Variants in CGGBP1 observed in about 807,000 individuals in gnomAD.
CGGBP1 encodes the protein CGG triplet repeat-binding protein 1.
In CGGBP1, 4 loss-of-function variants were observed where a neutral mutation model predicts 11.4. The ratio of observed to expected loss-of-function variants is 0.35; its 90% CI spans 0.17 to 0.80. The LOEUF (loss-of-function observed/expected upper bound fraction) is 0.80, where lower values mean the gene tolerates loss of function less well. Among genes scored for constraint, CGGBP1 ranks in the 30% least tolerant of loss-of-function variants. CGGBP1 has a pLI of 0.52. For synonymous variants in CGGBP1, 76 were observed against 74.1 expected, an observed-to-expected ratio of 1.03 and a Z score of -0.13; for missense variants, 135 against 202.1, an observed-to-expected ratio of 0.67 and a Z score of 2.01.
rs1402995802 is a variant in CGGBP1, at chr3:88,054,414, T to C, written c.*1059A>G. On this transcript the variant is annotated 3_prime_UTR_variant, in exon 4 of 4. Coordinates refer to ENST00000482016, the MANE Select transcript of CGGBP1 (RefSeq NM_001008390.2). ...ATGCAGGATACTGCCAGATCTCCAA[T>C]ACAAAAAACCTGCCAGAATTTCTAG... is the stretch of plus-strand genomic sequence containing the variant. 6.6e-6 allele frequency: 1 copy of C among 152,098 alleles called. No homozygotes were observed. Among genetic ancestry groups the C allele is most frequent in the Non-Finnish European group, 1.5e-5 (1 of 67,998 alleles). 9.4% of individuals were successfully genotyped at this position (152,098 alleles called of 1,614,324 possible). A position where few individuals can be genotyped will look rare whatever the true frequency, so the allele number is the denominator to read the frequency against.
At chr3:88,061,381 T>C (rs1706874938), upstream of CGGBP1, among the ~76,000 whole-genome samples, 2 of 152,202 alleles carry the variant, frequency 1.3e-5, no homozygotes, top group Admixed American at 1.3e-4. Context: ...CGCTACCTCC[T>C]GTATATCCAA....
intron 2 of CGGBP1, among the ~76,000 whole-genome samples, chr3:88,124,422 A>C (rs1007633359): frequency 9.9e-5 from 15 of 152,180 alleles, no homozygotes; most frequent in African/African-American, 3.6e-4. Context: ...TTTTGACTGG[A>C]CTGAATGATT....
At chr3:88,125,849 AC>A (rs1167949136) in intron 2 of CGGBP1, among the ~76,000 whole-genome samples, 1 of 152,092 alleles carries the variant, frequency 6.6e-6, no homozygotes, top group Admixed American at 6.6e-5. Flanking sequence ...GTTTTTTGCA[AC>A]CTGGTTCTTT....
At chr3:88,064,240 A>T (rs1707067081) in intron 2 of CGGBP1, among the ~76,000 whole-genome samples, 1 of 151,458 alleles carries the variant, frequency 6.6e-6, no homozygotes, top group South Asian at 2.1e-4. Flanking sequence ...CTCTATATTT[A>T]TAAGTAATTT....
At chr3:88,100,091 T>C (rs1704317792) in intron 2 of CGGBP1, among the ~76,000 whole-genome samples, 3 of 152,208 alleles carry the variant, frequency 2.0e-5, no homozygotes, top group African/African-American at 7.2e-5. Flanking sequence ...AAAGGGCTAA[T>C]ATCCAGAATC....
At position 88,088,757 on chromosome 3, in the gene CGGBP1, TATGTATGG is replaced by T. The variant is rs1559701656; in HGVS notation, c.-228-30542_-228-30535del. Among the ~76,000 whole-genome samples the T allele has an allele frequency of 4.1e-3, 387 of 94,450 alleles. 2 individuals carry two copies. The highest frequency in any genetic ancestry group is 0.016 in the South Asian group (39 of 2,462). 62.0% of individuals were successfully genotyped at this position (94,450 alleles called of 152,430 possible). ...AAAAACCTTTATTTATGTATGTATG[TATGTATGG>T]ATGGATGGATGGATGGATGGATGGA... On this transcript the variant is annotated intron_variant, in intron 2 of 3. Transcript: ENST00000462901.
At chr3:88,102,848 A>T (rs1704510722) in intron 2 of CGGBP1, among the ~76,000 whole-genome samples, 1 of 83,772 alleles carries the variant, frequency 1.2e-5, no homozygotes, top group Non-Finnish European at 2.4e-5. Flanking sequence ...TAATAATTTC[A>T]ACTTGTAGTT....
At chr3:88,120,948 T>G (rs946440875) in intron 2 of CGGBP1, among the ~76,000 whole-genome samples, 6 of 151,998 alleles carry the variant, frequency 3.9e-5, no homozygotes, top group African/African-American at 1.4e-4. Flanking sequence ...GATAGAAAAT[T>G]TTCTTGTCTG....
At chr3:88,057,670 A>G (rs1706589941) in intron 2 of CGGBP1, 1 of 152,236 alleles carries the variant, frequency 6.6e-6, no homozygotes, top group African/African-American at 2.4e-5. Context: ...CTTACTTTCT[A>G]TGTAAAAAGT....
chr3:88,140,390 T>G (rs1707047012), intron 2 of CGGBP1: 1 of 1,613,170 alleles, frequency 6.2e-7, no homozygotes, highest in South Asian at 1.1e-5. Flanking sequence ...AGAAACAAAC[T>G]ATTAGTCTGC....
chr3:88,096,945 T>A (rs746183799), intron 2 of CGGBP1, among the ~76,000 whole-genome samples: 1 of 152,160 alleles, frequency 6.6e-6, no homozygotes, highest in Non-Finnish European at 1.5e-5. Context: ...CTATACACAC[T>A]GTTTTGTATC....
chr3:88,147,931 C>G (rs1379581108), intron 1 of CGGBP1, among the ~76,000 whole-genome samples: 4 of 152,132 alleles, frequency 2.6e-5, no homozygotes, highest in Non-Finnish European at 5.9e-5. Context: ...TTATCCTGCC[C>G]AAAATGTCAA....
At position 88,054,585 on chromosome 3, in the gene CGGBP1, ATC is replaced by A. The variant is rs556104759; in HGVS notation, c.*886_*887del. ...AATGAATAGAAAGTAATTTTATCTG[ATC>A]TGTCAGCCAAAAAAAAATTACTAAT... On this transcript the variant is annotated 3_prime_UTR_variant, in exon 4 of 4. Coordinates refer to ENST00000482016, the MANE Select transcript of CGGBP1 (RefSeq NM_001008390.2). The A allele has an allele frequency of 1.2e-3, 180 of 152,432 alleles. No individual in the cohort carries two copies. Among genetic ancestry groups the A allele is most frequent in the African/African-American group, 4.0e-3 (166 of 41,572 alleles). 9.4% of individuals were successfully genotyped at this position (152,432 alleles called of 1,614,324 possible).
chr3:88,085,544 T>A (rs1030432940), intron 2 of CGGBP1, among the ~76,000 whole-genome samples: 5 of 152,192 alleles, frequency 3.3e-5, no homozygotes, highest in African/African-American at 1.2e-4. Context: ...TTTGTTAATA[T>A]AATATATTGT....
chr3:88,059,962 CT>C, upstream of CGGBP1, among the ~76,000 whole-genome samples: 1 of 152,136 alleles, frequency 6.6e-6, no homozygotes, highest in East Asian at 1.9e-4. Flanking sequence ...GACATGCCAT[CT>C]TTCCTGTCAC....
chr3:88,082,045 A>G (rs1325667480), intron 2 of CGGBP1, among the ~76,000 whole-genome samples: 1 of 152,186 alleles, frequency 6.6e-6, no homozygotes, highest in Non-Finnish European at 1.5e-5. Flanking sequence ...CGTTCAACAA[A>G]TTCATACAGG....
Position 88,056,001 on chromosome 3 carries a change from T to A in CGGBP1, c.-23-2A>T. On this transcript the variant is annotated splice_acceptor_variant, in intron 3 of 3. Coordinates refer to ENST00000482016, the MANE Select transcript of CGGBP1 (RefSeq NM_001008390.2). LOFTEE classifies it low-confidence loss of function (5UTR_SPLICE). Reference sequence around the variant, plus strand: ...TTCTGACTCTAAATAAATATGGTTCTTTCAAGACAAAAGAAACAAAGATGA... The same window carrying A: ...TTCTGACTCTAAATAAATATGGTTCATTCAAGACAAAAGAAACAAAGATGA... 3.8e-6 allele frequency: 6 copies of A among 1,565,844 alleles called. No homozygotes were observed. Among genetic ancestry groups the A allele is most frequent in the Non-Finnish European group, 5.2e-6 (6 of 1,156,970 alleles).
At chr3:88,146,807 A>G (rs1707321049) in intron 1 of CGGBP1, among the ~76,000 whole-genome samples, 1 of 152,124 alleles carries the variant, frequency 6.6e-6, no homozygotes, top group Non-Finnish European at 1.5e-5. Context: ...ACTTTGTCAG[A>G]AAGCCAGATC....
upstream of CGGBP1, chr3:88,059,341 C>A (rs1204836500): frequency 6.5e-7 from 1 of 1,534,582 alleles, no homozygotes; most frequent in Non-Finnish European, 8.7e-7. Flanking sequence ...AGAGAGCGAC[C>A]AAGAGGCCGA....
Sources: gnomAD v4.1 joint callset for allele counts (sites outside exome capture counted in the v4.1 genomes callset) on GRCh38, gnomAD v4.1.1 for gene constraint, MANE v1.5 for transcripts, NCBI Gene and HGNC (gene_info 2026-07-23, HGNC 2026-07-21) for gene names.